The following REXO2 variants were observed in gnomAD, a reference collection of about 807,000 sequenced individuals.
REXO2 encodes the protein oligoribonuclease, mitochondrial.
A neutral mutation model predicts 30.9 loss-of-function variants in REXO2; 17 were observed. The observed-to-expected ratio is 0.55, with a 90% CI of 0.38 to 0.82. REXO2 has a LOEUF of 0.82. Ranked by LOEUF, REXO2 falls within the 40% of genes least tolerant of loss-of-function variation. The pLI is 0.00. For synonymous variants in REXO2, 105 were observed against 99.6 expected (o/e 1.05, Z -0.32); for missense variants, 253 against 293.2 (o/e 0.86, Z 1.00).
rs1384160575 is a variant in REXO2 at position 114,439,537 on chromosome 11, C to CGG, written c.10_11dup (p.Ser5AlafsTer11). ...GCTGCTGGTCCCGGGTGATGCTAGG[C>CGG]GGCTCCCTGGGCTCCAGGCTGTTGC... On this transcript the variant is annotated frameshift_variant, in exon 1 of 7. Transcript: ENST00000265881. LOFTEE classifies it high-confidence loss of function. 4.4e-6 allele frequency: 7 copies of CGG among 1,606,976 alleles called. No individual in the cohort carries two copies. Among genetic ancestry groups the CGG allele is most frequent in the Non-Finnish European group, 5.9e-6 (7 of 1,179,426 alleles).
chr11:114,444,349 C>G, intron 3 of REXO2, 192 bp from the exon 4 acceptor site: 1 of 636,162 alleles, frequency 1.6e-6, no homozygotes, highest in Non-Finnish European at 2.8e-6. Context: ...AGGATCATAA[C>G]TAAGTTGGCT....
intron 2 of REXO2, 34 bp from the exon 3 acceptor site, chr11:114,443,822 T>C (rs1946495637): frequency 6.6e-7 from 1 of 1,523,164 alleles, no homozygotes; most frequent in East Asian, 2.3e-5. Context: ...ATTCCTGTTG[T>C]TTCTTGGTGA....
intron 2 of REXO2, among the ~76,000 whole-genome samples, chr11:114,442,539 T>C (rs1375990025): frequency 6.6e-6 from 1 of 152,210 alleles, no homozygotes; most frequent in Non-Finnish European, 1.5e-5. Flanking sequence ...GTCAGGCGTA[T>C]TTTAATTAAA....
chr11:114,444,616 C>A lies in REXO2; in HGVS notation c.385C>A (p.Arg129=). The change falls in exon 4 of 7, where the codon CGA becomes AGA. Residue 129 remains arginine (R), a synonymous_variant. Coordinates refer to ENST00000265881, the MANE Select transcript of REXO2 (RefSeq NM_015523.4). ...AGAGTATGAATTTCTGTCCTTTGTA[C>A]GACAGCAGACTCCTCCAGGGCTCTG... ...QAEYEFLSFV[R]QQTPPGLCPL... The A allele has an allele frequency of 5.0e-6, 8 of 1,608,294 alleles. No homozygotes were observed. In the South Asian group the frequency reaches 8.9e-5, roughly 18 times the overall value.
At chr11:114,440,920 A>G (rs976264543) in intron 2 of REXO2, 181 bp downstream of exon 2, 9 of 443,202 alleles carry the variant, frequency 2.0e-5, no homozygotes, top group Non-Finnish European at 3.6e-5. Flanking sequence ...CAGCCTAGTG[A>G]AAATTAAAAA....
At chr11:114,444,436 G>C in intron 3 of REXO2, 105 bp from the exon 4 acceptor site, 1 of 781,296 alleles carries the variant, frequency 1.3e-6, no homozygotes, top group Non-Finnish European at 2.2e-6. Flanking sequence ...TGGTCTATTT[G>C]TGGTTATATT....
In REXO2 at chr11:114,440,517, C is replaced by G. The variant is rs568785955; in HGVS notation, c.148-139C>G. The G allele has an allele frequency of 2.5e-5, 16 of 640,530 alleles. No homozygotes were observed. In the South Asian group the frequency reaches 2.7e-4, roughly 11 times the overall value. The allele number at this position is 640,530 out of a possible 1,614,324, so 39.7% of individuals were successfully genotyped here. A position where few individuals can be genotyped will look rare whatever the true frequency, so the allele number is the denominator to read the frequency against. ...GTGTTTAGTACCTTCAGTAGTTGCC[C>G]GAGGAGCATTCTTTCTCTTCTGTTT... On this transcript the variant is annotated intron_variant, in intron 1 of 6. Transcript: ENST00000265881.
At chr11:114,442,379 A>AT (rs985839031) in intron 2 of REXO2, among the ~76,000 whole-genome samples, 3 of 151,190 alleles carry the variant, frequency 2.0e-5, no homozygotes, top group Non-Finnish European at 3.0e-5. Context: ...TAGTATGAGT[A>AT]TTTTTTTTCA....
intron 2 of REXO2, among the ~76,000 whole-genome samples, chr11:114,442,100 A>G (rs774209177): frequency 1.3e-5 from 2 of 152,014 alleles, no homozygotes; most frequent in Non-Finnish European, 2.9e-5. Flanking sequence ...ATGTATTCAC[A>G]CAGCTGCAGA....
chr11:114,439,759 G>A, intron 1 of REXO2, 84 bp downstream of exon 1: 1 of 1,409,442 alleles, frequency 7.1e-7, no homozygotes, highest in South Asian at 1.5e-5. Context: ...CTGGGAGAGC[G>A]TTGGGGGTCT....
intron 1 of REXO2, chr11:114,440,063 G>A: frequency 4.2e-6 from 2 of 480,030 alleles, no homozygotes; most frequent in South Asian, 3.1e-5. Context: ...AGGGCCAGAC[G>A]GGACTCCGGA....
intron 2 of REXO2, 38 bp downstream of exon 2, chr11:114,440,777 G>A (rs758895658): frequency 4.2e-6 from 6 of 1,423,402 alleles, no homozygotes; most frequent in Admixed American, 3.5e-5. Context: ...ACTTTTTAAA[G>A]GGCACTGGAA....
Position 114,440,635 on chromosome 11 carries a change from T to C in REXO2, c.148-21T>C, listed in dbSNP as rs558500458. On this transcript the variant is annotated intron_variant, in intron 1 of 6. Coordinates refer to ENST00000265881, the MANE Select transcript of REXO2 (RefSeq NM_015523.4). ...CAGAATGATGGCTTTGTGTGTGTTA[T>C]ATATTTATTTTTAATTGCAGATGAC... is the stretch of plus-strand genomic sequence containing the variant. The C allele has an allele frequency of 1.5e-5, 23 of 1,562,540 alleles. No homozygotes were observed. In the African/African-American group the frequency reaches 1.6e-4, roughly 11 times the overall value.
chr11:114,439,893 G>T, intron 1 of REXO2: 1 of 593,876 alleles, frequency 1.7e-6, no homozygotes. Context: ...CAAGGGAGGA[G>T]TCCTCCGTGT....
rs1591211212 is a variant in REXO2 at position 114,444,133 on chromosome 11, T to C, written c.309+200T>C. 1.2e-5 allele frequency: 8 copies of C among 657,066 alleles called. No homozygotes were observed. In the East Asian group the frequency reaches 2.4e-4, roughly 20 times the overall value. 40.7% of individuals were successfully genotyped at this position (657,066 alleles called of 1,614,324 possible). A position where few individuals can be genotyped will look rare whatever the true frequency, so the allele number is the denominator to read the frequency against. Reference sequence around the variant, plus strand: ...GATCATCTTCTCCTGAATGTCCTCTTTTTTTTCTCTCCTACATTCAGTCTG... The same window carrying C: ...GATCATCTTCTCCTGAATGTCCTCTCTTTTTTCTCTCCTACATTCAGTCTG... On this transcript the variant is annotated intron_variant, in intron 3 of 6. Coordinates refer to ENST00000265881, the MANE Select transcript of REXO2 (RefSeq NM_015523.4).
intron 6 of REXO2, 152 bp downstream of exon 6, chr11:114,448,031 A>T (rs1003230357): frequency 1.5e-6 from 1 of 654,876 alleles, no homozygotes; most frequent in Non-Finnish European, 2.6e-6. Flanking sequence ...ACTGTTAGGA[A>T]TTCTGGTCAG....
chr11:114,446,531 T>G (rs74711984), intron 5 of REXO2, among the ~76,000 whole-genome samples: 6,389 of 152,302 alleles, frequency 0.042, 160 homozygotes, highest in Middle Eastern at 0.092. Flanking sequence ...CTAACTGTGC[T>G]GGAGCAAGAG....
chr11:114,447,166 T>G (rs1555029762), intron 5 of REXO2, among the ~76,000 whole-genome samples: 1 of 152,098 alleles, frequency 6.6e-6, no homozygotes, highest in Non-Finnish European at 1.5e-5. Flanking sequence ...GACCTCGTGA[T>G]CCGCCTGCCT....
intron 6 of REXO2, chr11:114,449,296 G>A (rs1036198806): frequency 1.3e-5 from 2 of 152,338 alleles, no homozygotes; most frequent in African/African-American, 2.4e-5. Flanking sequence ...ATGTTCAAGT[G>A]TGTCAGTCTG....
Sources: gnomAD v4.1 joint callset for allele counts (sites outside exome capture counted in the v4.1 genomes callset) on GRCh38, gnomAD v4.1.1 for gene constraint, MANE v1.5 for transcripts, NCBI Gene and HGNC (gene_info 2026-07-23, HGNC 2026-07-21) for gene names.